The following CARMIL1 variants were observed in gnomAD, a reference collection of about 807,000 sequenced individuals.
The protein encoded by CARMIL1 is capping protein regulator and myosin 1 linker 1.
A neutral mutation model predicts 177.1 loss-of-function variants in CARMIL1; 90 were observed. That is an observed-to-expected ratio of 0.51 (90% CI 0.43 to 0.61). CARMIL1 has a LOEUF of 0.61. Ranked by LOEUF, CARMIL1 falls within the 20% of genes least tolerant of loss-of-function variation. CARMIL1 has a pLI of 0.00. For missense variants in CARMIL1, 1,380 were observed against 1,667.0 expected, an observed-to-expected ratio of 0.83 and a Z score of 3.00; for synonymous variants, 577 against 606.2, an observed-to-expected ratio of 0.95 and a Z score of 0.71.
At chr6:25,340,036 G>A (rs1562005940) in intron 2 of CARMIL1, among the ~76,000 whole-genome samples, 1 of 152,160 alleles carries the variant, frequency 6.6e-6, no homozygotes, top group Non-Finnish European at 1.5e-5. Context: ...AATCGATTTT[G>A]TAATTTATTC....
intron 32 of CARMIL1, among the ~76,000 whole-genome samples, chr6:25,597,997 C>G (rs1190451142): frequency 6.6e-6 from 1 of 152,096 alleles, no homozygotes; most frequent in Non-Finnish European, 1.5e-5. Context: ...TTCTGACTTG[C>G]TTTTGTTTTC....
intron 29 of CARMIL1, among the ~76,000 whole-genome samples, chr6:25,578,013 C>T (rs1331960911): frequency 5.9e-5 from 9 of 152,190 alleles, no homozygotes; most frequent in Admixed American, 1.3e-4. Context: ...GAAAATTATA[C>T]GTTATTGCTT....
intron 2 of CARMIL1, among the ~76,000 whole-genome samples, chr6:25,363,049 AAAAG>A (rs1490212205): frequency 2.0e-5 from 3 of 152,158 alleles, no homozygotes; most frequent in South Asian, 2.1e-4. Flanking sequence ...ACAAAGAAAG[AAAAG>A]AAAGAAAGAA....
At chr6:25,519,030 A>C (rs923028791) in intron 22 of CARMIL1, among the ~76,000 whole-genome samples, 3 of 152,246 alleles carry the variant, frequency 2.0e-5, no homozygotes, top group Non-Finnish European at 4.4e-5. Context: ...TTTTACATGA[A>C]GCTACTCTAT....
chr6:25,294,580 T>G (rs1176121444), intron 2 of CARMIL1, among the ~76,000 whole-genome samples: 1 of 152,224 alleles, frequency 6.6e-6, no homozygotes, highest in South Asian at 2.1e-4. Flanking sequence ...TGCTTCTCAC[T>G]CTCCATTTCT....
chr6:25,289,294 T>C (rs1285457126), intron 2 of CARMIL1, among the ~76,000 whole-genome samples: 1 of 152,240 alleles, frequency 6.6e-6, no homozygotes, highest in Non-Finnish European at 1.5e-5. Context: ...TATTTGACTC[T>C]AATTCCCTTC....
At chr6:25,355,321 A>G (rs941476813) in intron 2 of CARMIL1, among the ~76,000 whole-genome samples, 6 of 152,126 alleles carry the variant, frequency 3.9e-5, no homozygotes, top group African/African-American at 1.4e-4. Context: ...TTTATTTTCA[A>G]TCCAGTTTAC....
chr6:25,381,358 C>T (rs1468132441), intron 2 of CARMIL1, among the ~76,000 whole-genome samples: 3 of 152,188 alleles, frequency 2.0e-5, no homozygotes, highest in African/African-American at 7.2e-5. Flanking sequence ...ACTTCTGACA[C>T]AAATGGCTGG....
chr6:25,613,944 G>A (rs1337512450), intron 36 of CARMIL1, among the ~76,000 whole-genome samples: 2 of 152,204 alleles, frequency 1.3e-5, no homozygotes, highest in Non-Finnish European at 2.9e-5. Flanking sequence ...GTTAATGGGA[G>A]TGACCTTATT....
rs1805846473 is a variant in CARMIL1 at position 25,515,160 on chromosome 6, G to C, written c.1633-515G>C. Among the ~76,000 whole-genome samples the C allele has an allele frequency of 6.6e-6, 1 of 152,096 alleles. No homozygotes were observed. The highest frequency in any genetic ancestry group is 1.5e-5 in the Non-Finnish European group (1 of 68,018). ...GTAGCATCTAAGCAATGGGTTAGTG[G>C]GAAGATTAAGTGAATTAATATACAT... On this transcript the variant is annotated intron_variant, in intron 20 of 36. Coordinates refer to ENST00000329474, the MANE Select transcript of CARMIL1 (RefSeq NM_017640.6). This position sits in a 1 kb window ranked among gnomAD's most constrained non-coding sequence, Gnocchi z 5.0.
At chr6:25,459,210 T>TCTTCTTTCTTTCTTTC (rs1554200782) in intron 8 of CARMIL1, among the ~76,000 whole-genome samples, 1 of 80,136 alleles carries the variant, frequency 1.2e-5, no homozygotes, top group South Asian at 5.4e-4. Flanking sequence ...GATCCCAACT[T>TCTTCTTTCTTTCTTTC]TTTCTTTCTT....
At position 25,488,577 on chromosome 6, in the gene CARMIL1, G is replaced by A; in HGVS notation, c.1057G>A (p.Asp353Asn). The A allele has an allele frequency of 6.2e-7, 1 of 1,612,478 alleles. No homozygotes were observed. Among genetic ancestry groups the A allele is most frequent in the Non-Finnish European group, 8.5e-7 (1 of 1,178,510 alleles). ...CTCAGGGAACGTCCTTCGTGGAGATGACCTCTCAGTAAGTTTTCTTTTCTT... is the reference window on the plus strand; with the variant it reads ...CTCAGGGAACGTCCTTCGTGGAGATAACCTCTCAGTAAGTTTTCTTTTCTT... ...DLSGNVLRGD[D>N]LSHMYNFLAQ... Residue 353 changes from aspartate to asparagine, a missense_variant, in exon 13 of 37, where the codon GAC becomes AAC. Coordinates refer to ENST00000329474, the MANE Select transcript of CARMIL1 (RefSeq NM_017640.6).
chr6:25,495,131 C>T lies in CARMIL1; in HGVS notation c.1241C>T (p.Pro414Leu). The change falls in exon 16 of 37, where the codon CCA becomes CTA. Residue 414 changes from proline (P) to leucine (L), a missense_variant. Transcript: ENST00000329474. Reference sequence around the variant, plus strand: ...TTCAGGAAAGGAAAAGAAGTACCTCCATCTTTCAAGCAATTTTTTAGTAGT... The same window carrying T: ...TTCAGGAAAGGAAAAGAAGTACCTCTATCTTTCAAGCAATTTTTTAGTAGT... Reference protein sequence around the residue: ...FSHRKGKEVPPSFKQFFSSSL... With the variant: ...FSHRKGKEVPLSFKQFFSSSL... 1 of 1,612,116 alleles carries T rather than the reference C, an allele frequency of 6.2e-7. No homozygotes were observed. The highest frequency in any genetic ancestry group is 8.5e-7 in the Non-Finnish European group (1 of 1,178,792).
Position 25,581,345 on chromosome 6 carries a change from T to C in CARMIL1, c.2912T>C (p.Ile971Thr), listed in dbSNP as rs1483174383. ...CAGGAGAAGCGGAGCTCGGGATTTATCTCTGAGTTGCCCTCTGAAGAGGGG... is the reference window on the plus strand; with the variant it reads ...CAGGAGAAGCGGAGCTCGGGATTTACCTCTGAGTTGCCCTCTGAAGAGGGG... ...LRQEKRSSGF[I>T]SELPSEEGKK... The change falls in exon 31 of 37, where the codon ATC (isoleucine) becomes ACC (threonine). Residue 971 changes from isoleucine to threonine, a missense_variant. Transcript: ENST00000329474. 1 of 1,613,730 alleles carries C rather than the reference T, an allele frequency of 6.2e-7. No homozygotes were observed. The highest frequency in any genetic ancestry group is 1.3e-5 in the African/African-American group (1 of 74,894).
At chr6:25,579,205 C>G (rs1166282721) in intron 29 of CARMIL1, among the ~76,000 whole-genome samples, 5 of 149,422 alleles carry the variant, frequency 3.3e-5, no homozygotes, top group Non-Finnish European at 5.9e-5. Context: ...GAAACTTAAA[C>G]CAGACTATTT....
At chr6:25,445,310 C>T (rs1798121971) in intron 5 of CARMIL1, among the ~76,000 whole-genome samples, 1 of 152,204 alleles carries the variant, frequency 6.6e-6, no homozygotes, top group South Asian at 2.1e-4. Context: ...GCAGTTACTT[C>T]CTCCACTAAA....
At chr6:25,433,808 T>G (rs1797008767) in intron 4 of CARMIL1, among the ~76,000 whole-genome samples, 1 of 152,240 alleles carries the variant, frequency 6.6e-6, no homozygotes, top group Non-Finnish European at 1.5e-5. Context: ...TTACATTATT[T>G]ATATCCTTTT....
intron 31 of CARMIL1, among the ~76,000 whole-genome samples, chr6:25,594,015 C>A (rs565551722): frequency 6.6e-6 from 1 of 152,288 alleles, no homozygotes; most frequent in African/African-American, 2.4e-5. Context: ...CAGCCAGCCT[C>A]ACCCACACAC....
chr6:25,575,438 C>A (rs970057833), intron 29 of CARMIL1, among the ~76,000 whole-genome samples: 2 of 152,088 alleles, frequency 1.3e-5, no homozygotes, highest in African/African-American at 4.8e-5. Flanking sequence ...GACTACTTTT[C>A]TTGATGAATT....
Sources: allele counts gnomAD v4.1 joint callset (sites outside exome capture counted in the v4.1 genomes callset), GRCh38; gene constraint gnomAD v4.1.1; non-coding constraint Gnocchi (gnomAD v3.1); transcripts MANE v1.5; gene names NCBI Gene and HGNC (gene_info 2026-07-23, HGNC 2026-07-21).